Variants in SEC63 observed in about 807,000 individuals in gnomAD.
SEC63 encodes the protein SEC63 protein translocation regulator.
In SEC63, 56 loss-of-function variants were observed where a neutral mutation model predicts 116.2. The ratio of observed to expected loss-of-function variants is 0.48; its 90% CI spans 0.39 to 0.60. The LOEUF is 0.60. SEC63 is among the 20% of genes least tolerant of loss of function. SEC63 has a pLI of 0.00. For synonymous variants in SEC63, 273 were observed against 294.6 expected, an observed-to-expected ratio of 0.93 and a Z score of 0.75; for missense variants, 668 against 900.0, an observed-to-expected ratio of 0.74 and a Z score of 3.30.
intron 19 of SEC63, among the ~76,000 whole-genome samples, chr6:107,873,152 G>T (rs1186551158): frequency 1.3e-5 from 2 of 152,104 alleles, no homozygotes; most frequent in Admixed American, 1.3e-4. Flanking sequence ...AGGTTAATTT[G>T]TCTCTCCACA....
At chr6:107,939,842 G>C (rs1770336826) in intron 1 of SEC63, among the ~76,000 whole-genome samples, 1 of 152,052 alleles carries the variant, frequency 6.6e-6, no homozygotes, top group South Asian at 2.1e-4. Context: ...GAATATAAAA[G>C]GCATGAAAAT....
At chr6:107,874,595 C>CAAAAAAAAAAAA (rs35096526) in intron 19 of SEC63, among the ~76,000 whole-genome samples, 3 of 64,544 alleles carry the variant, frequency 4.6e-5, no homozygotes, top group Middle Eastern at 8.3e-3. Flanking sequence ...GACTCTGTCT[C>CAAAAAAAAAAAA]AAAAAAAAAA....
intron 3 of SEC63, among the ~76,000 whole-genome samples, chr6:107,923,780 A>G (rs1284881714): frequency 1.3e-5 from 2 of 150,628 alleles, no homozygotes; most frequent in African/African-American, 2.5e-5. Context: ...TTAGCTTCCC[A>G]AAGTGCTAGG....
intron 16 of SEC63, among the ~76,000 whole-genome samples, chr6:107,892,804 C>T (rs1786714545): frequency 6.6e-6 from 1 of 152,054 alleles, no homozygotes; most frequent in Non-Finnish European, 1.5e-5. Context: ...TACAGATCTG[C>T]CAAATAGCTA....
intron 1 of SEC63, among the ~76,000 whole-genome samples, chr6:107,930,484 G>A (rs1302092197): frequency 6.6e-6 from 1 of 151,796 alleles, no homozygotes; most frequent in Non-Finnish European, 1.5e-5. Context: ...GTGCATGCCT[G>A]TAATCCCAGC....
chr6:107,904,495 CATG>C (rs1372827349), intron 11 of SEC63, 131 bp downstream of exon 11: 2 of 703,710 alleles, frequency 2.8e-6, no homozygotes, highest in East Asian at 5.0e-5. Flanking sequence ...TATGAAAAGA[CATG>C]AGTAAAATTG....
At chr6:107,915,598 A>G (rs1038468574) in intron 4 of SEC63, among the ~76,000 whole-genome samples, 3 of 152,158 alleles carry the variant, frequency 2.0e-5, no homozygotes, top group Admixed American at 6.5e-5. Context: ...AGAGAATTCA[A>G]TGGTATAACT....
At chr6:107,948,276 C>G (rs1035874443) in intron 1 of SEC63, among the ~76,000 whole-genome samples, 1 of 152,200 alleles carries the variant, frequency 6.6e-6, no homozygotes, top group African/African-American at 2.4e-5. Context: ...TAGTGGCTAA[C>G]AAGAGATGCT....
At chr6:107,874,595 CAAAA>C (rs35096526) in intron 19 of SEC63, among the ~76,000 whole-genome samples, 4 of 64,598 alleles carry the variant, frequency 6.2e-5, no homozygotes, top group Non-Finnish European at 9.4e-5. Flanking sequence ...GACTCTGTCT[CAAAA>C]AAAAAAAAAA....
At chr6:107,871,910 G>A (rs1786143615) in intron 20 of SEC63, 63 bp from the exon 21 acceptor site, 1 of 1,557,490 alleles carries the variant, frequency 6.4e-7, no homozygotes, top group Non-Finnish European at 8.8e-7. Flanking sequence ...AGAAATCTTG[G>A]TAAACAAAAG....
intron 6 of SEC63, 152 bp from the exon 7 acceptor site, chr6:107,911,548 G>T (rs1163908972): frequency 7.4e-6 from 5 of 678,384 alleles, no homozygotes; most frequent in Admixed American, 7.0e-5. Context: ...ACTCCAAGAG[G>T]AAGGTACCAT....
At chr6:107,916,772 A>C (rs1381113646) in intron 4 of SEC63, among the ~76,000 whole-genome samples, 46 of 152,200 alleles carry the variant, frequency 3.0e-4, no homozygotes, top group Admixed American at 2.9e-3. Context: ...CTGGCACACA[A>C]ACTGCACCTG....
At chr6:107,917,890 C>A (rs995995969) in intron 4 of SEC63, among the ~76,000 whole-genome samples, 5 of 152,164 alleles carry the variant, frequency 3.3e-5, no homozygotes, top group African/African-American at 1.2e-4. Context: ...AGCAAGTTAT[C>A]CAGAAGATCT....
At chr6:107,875,266 C>T (rs988524570) in intron 19 of SEC63, among the ~76,000 whole-genome samples, 1 of 152,170 alleles carries the variant, frequency 6.6e-6, no homozygotes, top group Admixed American at 6.5e-5. Context: ...CACACGCGTG[C>T]ATGTTTTGTA....
chr6:107,918,711 A>C (rs1203058289), intron 4 of SEC63, among the ~76,000 whole-genome samples: 1 of 151,516 alleles, frequency 6.6e-6, no homozygotes, highest in East Asian at 1.9e-4. Context: ...AAAACAAAAA[A>C]CAAAAAGAAG....
chr6:107,889,501 G>C (rs1472661964), intron 16 of SEC63, among the ~76,000 whole-genome samples: 2 of 151,642 alleles, frequency 1.3e-5, no homozygotes, highest in Admixed American at 1.3e-4. Flanking sequence ...TATTAGTCTG[G>C]CTAGTGATCT....
intron 1 of SEC63, among the ~76,000 whole-genome samples, chr6:107,934,413 G>A (rs930212266): frequency 2.5e-4 from 37 of 148,980 alleles, no homozygotes; most frequent in Admixed American, 1.0e-3. Flanking sequence ...GTGCCCCGCG[G>A]CCCCGTCTGG....
chr6:107,947,263 C>T (rs924336681), intron 1 of SEC63, among the ~76,000 whole-genome samples: 1 of 152,124 alleles, frequency 6.6e-6, no homozygotes, highest in Non-Finnish European at 1.5e-5. Context: ...TGCTACTGCA[C>T]TCCAGCCTGG....
intron 4 of SEC63, among the ~76,000 whole-genome samples, chr6:107,917,237 T>C (rs1562328170): frequency 6.6e-6 from 1 of 152,224 alleles, no homozygotes; most frequent in African/African-American, 2.4e-5. Context: ...GGGATACTTT[T>C]AGTTAATTTA....
Sources: allele counts gnomAD v4.1 joint callset (sites outside exome capture counted in the v4.1 genomes callset), GRCh38; gene constraint gnomAD v4.1.1; transcripts MANE v1.5; gene names NCBI Gene and HGNC (gene_info 2026-07-23, HGNC 2026-07-21).